The following PWP1 variants were observed in gnomAD, a reference collection of about 807,000 sequenced individuals.
PWP1 encodes periodic tryptophan protein 1 homolog.
Under a neutral mutation model 69.9 loss-of-function variants are expected in PWP1, and 47 were observed. The observed-to-expected ratio is 0.67, with a 90% CI of 0.53 to 0.86. The LOEUF is 0.86. Ranked by LOEUF, PWP1 falls within the 40% of genes least tolerant of loss-of-function variation. The pLI, the probability that PWP1 is intolerant of heterozygous loss-of-function variation, is 0.00. For synonymous variants in PWP1, 222 were observed against 208.2 expected (o/e 1.07, Z -0.57); for missense variants, 551 against 608.8 (o/e 0.91, Z 1.00).
chr12:107,712,175 T>C lies in PWP1; in HGVS notation c.1461T>C (p.Ser487=). Residue 487 remains serine, a synonymous_variant, in exon 15 of 15, where the codon AGT becomes AGC. Transcript: ENST00000412830. ...GGAGTGCAAGAAATTCATCTATTAG[T>C]GGCCCTTTTGGCAGCAGGAGCTCAG... is the stretch of plus-strand genomic sequence containing the variant. ...VLGSARNSSI[S]GPFGSRSSDT... is the part of the protein sequence containing the mutation. 6.2e-7 allele frequency: 1 copy of C among 1,614,076 alleles called. No homozygotes were observed.
At chr12:107,708,359 G>C (rs972952192) in intron 11 of PWP1, among the ~76,000 whole-genome samples, 6 of 152,050 alleles carry the variant, frequency 3.9e-5, no homozygotes, top group African/African-American at 1.4e-4. Context: ...GTTGCCCTTG[G>C]CCTGTATACA....
At chr12:107,689,552 C>G (rs1447299042) in intron 3 of PWP1, among the ~76,000 whole-genome samples, 2 of 152,182 alleles carry the variant, frequency 1.3e-5, no homozygotes, top group Non-Finnish European at 2.9e-5. Flanking sequence ...TCGAGACCAG[C>G]CGGGCCAACA....
At chr12:107,709,376 C>G in intron 13 of PWP1, 144 bp downstream of exon 13, 1 of 1,106,628 alleles carries the variant, frequency 9.0e-7, no homozygotes, top group African/African-American at 1.6e-5. Context: ...TGAGTTTAGT[C>G]AAATTTGGTG....
chr12:107,710,392 G>A lies in PWP1; in HGVS notation c.1291-13G>A. On this transcript the variant is annotated splice_polypyrimidine_tract_variant and intron_variant, in intron 13 of 14. Coordinates refer to ENST00000412830, the MANE Select transcript of PWP1 (RefSeq NM_007062.3). ...AAGAGATTGAAATCACCATCTTCCT[G>A]TTCTCTCTCTAGGGAGTTCTCTTCT... is the stretch of plus-strand genomic sequence containing the variant. 1.9e-6 allele frequency: 3 copies of A among 1,612,534 alleles called. No homozygotes were observed. In the East Asian group the frequency reaches 6.7e-5, roughly 36 times the overall value.
At chr12:107,688,867 G>A in intron 3 of PWP1, 65 bp downstream of exon 3, 2 of 1,471,876 alleles carry the variant, frequency 1.4e-6, no homozygotes, top group Admixed American at 2.0e-5. Context: ...TGTTTGTGGT[G>A]TTCCAAAGCT....
At chr12:107,709,605 T>C (rs1889903649) in intron 13 of PWP1, among the ~76,000 whole-genome samples, 1 of 151,980 alleles carries the variant, frequency 6.6e-6, no homozygotes, top group African/African-American at 2.4e-5. Flanking sequence ...TTTATGTATC[T>C]TTATCTCTTT....
In PWP1 at chr12:107,712,311, T is replaced by G; in HGVS notation, c.*91T>G. The G allele has an allele frequency of 2.3e-6, 2 of 884,140 alleles. No homozygotes were observed. Among genetic ancestry groups the G allele is most frequent in the South Asian group, 2.9e-5 (2 of 68,352 alleles). The allele number at this position is 884,140 out of a possible 1,614,324, so 54.8% of individuals were successfully genotyped here. ...CATGCGTGGCAGCAACCATGCAGAG[T>G]GACTGAAACACAATTCATTTCTGAC... is the stretch of plus-strand genomic sequence containing the variant. On this transcript the variant is annotated 3_prime_UTR_variant, in exon 15 of 15. Coordinates refer to ENST00000412830, the MANE Select transcript of PWP1 (RefSeq NM_007062.3).
At position 107,702,948 on chromosome 12, in the gene PWP1, A is replaced by G. The variant is rs1179245882; in HGVS notation, c.820A>G (p.Ser274Gly). 3 of 1,607,120 alleles carry G rather than the reference A, an allele frequency of 1.9e-6. No individual in the cohort carries two copies. The highest frequency in any genetic ancestry group is 2.7e-5 in the African/African-American group (2 of 74,710). ...TCCCTTTCTCAGAAATGTTTTAGCA[A>G]GTGCATCAGCTGACAACACTGTAAT... is the stretch of plus-strand genomic sequence containing the variant. ...WNKLIRNVLA[S>G]ASADNTVILW... The change falls in exon 9 of 15, where the codon AGT becomes GGT. Residue 274 changes from serine to glycine, a missense_variant. Physicochemically the swap from Ser to Gly is moderately conservative, Grantham distance 56. Coordinates refer to ENST00000412830, the MANE Select transcript of PWP1 (RefSeq NM_007062.3).
chr12:107,709,661 G>GA (rs1889904991), intron 13 of PWP1, among the ~76,000 whole-genome samples: 1 of 152,010 alleles, frequency 6.6e-6, no homozygotes, highest in Non-Finnish European at 1.5e-5. Flanking sequence ...TATATAGTAG[G>GA]AAAAATTTAG....
chr12:107,712,234 A>G lies in PWP1; in HGVS notation c.*14A>G. 1 of 1,592,252 alleles carries G rather than the reference A, an allele frequency of 6.3e-7. No homozygotes were observed. Among genetic ancestry groups the G allele is most frequent in the Non-Finnish European group, 8.6e-7 (1 of 1,161,252 alleles). On this transcript the variant is annotated 3_prime_UTR_variant, in exon 15 of 15. Transcript: ENST00000412830. ...ATGGAGTCTTAATGAAGATCATCTA[A>G]TTTCCTGCTTACCTTAACTGGGAAT...
chr12:107,691,370 A>C (rs1337680401), intron 3 of PWP1, among the ~76,000 whole-genome samples: 2 of 152,234 alleles, frequency 1.3e-5, no homozygotes, highest in Non-Finnish European at 2.9e-5. Context: ...AGGCTTAGCA[A>C]TCTGTGTGTT....
At chr12:107,707,304 A>G (rs913979693) in intron 11 of PWP1, among the ~76,000 whole-genome samples, 2 of 152,024 alleles carry the variant, frequency 1.3e-5, no homozygotes, top group Non-Finnish European at 2.9e-5. Context: ...GGGCTGAGAC[A>G]ATGGGGTTTT....
At position 107,711,747 on chromosome 12, in the gene PWP1, T is replaced by C. The variant is rs187648213; in HGVS notation, c.1397-364T>C. Reference sequence around the variant, plus strand: ...TTTTTCTCTGGGTTATTCTGATGTGTGTGAGTCCTAAGTCCGAAAAGTTCT... The same window carrying C: ...TTTTTCTCTGGGTTATTCTGATGTGCGTGAGTCCTAAGTCCGAAAAGTTCT... On this transcript the variant is annotated intron_variant, in intron 14 of 14. Coordinates refer to ENST00000412830, the MANE Select transcript of PWP1 (RefSeq NM_007062.3). 1.1e-4 allele frequency among the ~76,000 whole-genome samples: 17 copies of C among 152,246 alleles called. No homozygotes were observed. The East Asian group carries it at 2.9e-3, about 26-fold the overall frequency.
Position 107,692,983 on chromosome 12 carries a change from T to G in PWP1, c.406-17T>G, listed in dbSNP as rs770780680. The stretch of plus-strand genomic sequence containing the variant: ...CTCTCTGCTTCTAGTCAATGACATT[T>G]TTTTCCTCTCACTTAGGAACAATAT... On this transcript the variant is annotated splice_polypyrimidine_tract_variant and intron_variant, in intron 4 of 14. Transcript: ENST00000412830. The G allele has an allele frequency of 4.3e-6, 7 of 1,613,560 alleles. No homozygotes were observed. In the South Asian group the frequency reaches 7.7e-5, roughly 18 times the overall value.
chr12:107,698,217 C>A (rs1889630971), intron 7 of PWP1, among the ~76,000 whole-genome samples: 1 of 152,148 alleles, frequency 6.6e-6, no homozygotes, highest in African/African-American at 2.4e-5. Flanking sequence ...CAAAAATTAG[C>A]CAGGCATGTT....
At chr12:107,691,812 C>T (rs1003762559) in intron 3 of PWP1, among the ~76,000 whole-genome samples, 1 of 152,182 alleles carries the variant, frequency 6.6e-6, no homozygotes, top group African/African-American at 2.4e-5. Flanking sequence ...ATTCGCTTGG[C>T]CATCTGTCCT....
chr12:107,689,558 C>G (rs568480059), intron 3 of PWP1, among the ~76,000 whole-genome samples: 59 of 152,280 alleles, frequency 3.9e-4, no homozygotes, highest in African/African-American at 1.3e-3. Flanking sequence ...CCAGCCGGGC[C>G]AACATGGCGA....
chr12:107,686,147 G>C, intron 1 of PWP1, 176 bp downstream of exon 1: 1 of 682,778 alleles, frequency 1.5e-6, no homozygotes, highest in East Asian at 2.7e-5. Flanking sequence ...GGTCTGGTTC[G>C]CCTGAGCCTG....
rs575780929 is a variant in PWP1, at chr12:107,712,505, T to C, written c.*285T>C. The C allele has an allele frequency of 4.5e-6, 1 of 222,916 alleles. No individual in the cohort carries two copies. Among genetic ancestry groups the C allele is most frequent in the Non-Finnish European group, 8.8e-6 (1 of 113,486 alleles). The allele number at this position is 222,916 out of a possible 1,614,324, so 13.8% of individuals were successfully genotyped here. A position where few individuals can be genotyped will look rare whatever the true frequency, so the allele number is the denominator to read the frequency against. On this transcript the variant is annotated 3_prime_UTR_variant, in exon 15 of 15. Transcript: ENST00000412830. ...TACCATCTGTCACAGTTAATCTAGA[T>C]TTGTAAATAGGTAGTAATTTATAGA...
Sources: allele counts gnomAD v4.1 joint callset (sites outside exome capture counted in the v4.1 genomes callset), GRCh38; gene constraint gnomAD v4.1.1; transcripts MANE v1.5; gene names NCBI Gene and HGNC (gene_info 2026-07-23, HGNC 2026-07-21).